PKD1: variants seen among roughly 807,000 people sequenced by gnomAD.
PKD1 encodes the protein polycystin-1.
In PKD1, 81 loss-of-function variants were observed where a neutral mutation model predicts 361.7. The observed-to-expected ratio is 0.22, with a 90% CI of 0.19 to 0.27. The LOEUF (loss-of-function observed/expected upper bound fraction) is 0.27. PKD1 is among the 10% of genes least tolerant of loss of function. The pLI is 1.00. For synonymous variants in PKD1, 3,615 were observed against 2,818.3 expected (o/e 1.28, Z -8.95); for missense variants, 6,399 against 6,118.3 (o/e 1.05, Z -1.53).
intron 1 of PKD1, among the ~76,000 whole-genome samples, chr16:2,122,529 C>G (rs2092737564): frequency 6.6e-6 from 1 of 152,232 alleles, no homozygotes; most frequent in African/African-American, 2.4e-5. Flanking sequence ...AGCCGCGCTG[C>G]TAGGCATCCA....
In PKD1 at chr16:2,091,437, G is replaced by T; in HGVS notation, c.11698C>A (p.Pro3900Thr). Residue 3900 changes from proline to threonine, a missense_variant, in exon 42 of 46, where the codon CCT becomes ACT. Transcript: ENST00000262304. Reference protein sequence around the residue: ...LRRLSAGLSLPLLTSVCLLLF... With the variant: ...LRRLSAGLSLTLLTSVCLLLF... Reference sequence around the variant, plus strand: ...GACGGGCGTACCGAGGTGAGCAGAGGCAGCGAGAGGCCCGCGCTGAGGCGG... The same window carrying T: ...GACGGGCGTACCGAGGTGAGCAGAGTCAGCGAGAGGCCCGCGCTGAGGCGG... 8.4e-7 allele frequency: 1 copy of T among 1,190,770 alleles called. No homozygotes were observed. The highest frequency in any genetic ancestry group is 1.0e-6 in the Non-Finnish European group (1 of 959,414). 73.8% of individuals were successfully genotyped at this position (1,190,770 alleles called of 1,614,324 possible). A position where few individuals can be genotyped will look rare whatever the true frequency, so the allele number is the denominator to read the frequency against.
chr16:2,096,621 T>C (rs1383716118), intron 34 of PKD1, among the ~76,000 whole-genome samples: 2 of 152,078 alleles, frequency 1.3e-5, no homozygotes, highest in Non-Finnish European at 2.9e-5. Context: ...GTTCAATCGA[T>C]TCTCCTACCT....
At position 2,110,740 on chromosome 16, in the gene PKD1, G is replaced by C. The variant is rs563980883; in HGVS notation, c.4427C>G (p.Ser1476Cys). Residue 1476 changes from serine (S) to cysteine (C), a missense_variant, in exon 15 of 46, where the codon TCC becomes TGC. Physicochemically the swap from Ser to Cys is moderately radical, Grantham distance 112 (BLOSUM62 -1). Coordinates refer to ENST00000262304, the MANE Select transcript of PKD1 (RefSeq NM_001009944.3). ...CGGCTGCTGCAGCTCCAGCCCAAGGGAGCCATTGACCTTGATGCTGGTGAC... is the reference window on the plus strand; with the variant it reads ...CGGCTGCTGCAGCTCCAGCCCAAGGCAGCCATTGACCTTGATGCTGGTGAC... Reference protein sequence around the residue: ...VLVTSIKVNGSLGLELQQPYL... With the variant: ...VLVTSIKVNGCLGLELQQPYL... 1 of 1,610,492 alleles carries C rather than the reference G, an allele frequency of 6.2e-7. No individual in the cohort carries two copies. The highest frequency in any genetic ancestry group is 1.3e-5 in the African/African-American group (1 of 74,978).
chr16:2,105,998 G>T lies in PKD1; in HGVS notation c.7730C>A (p.Pro2577His). The change falls in exon 20 of 46, where the codon CCC becomes CAC. Residue 2577 changes from proline to histidine, a missense_variant. Coordinates refer to ENST00000262304, the MANE Select transcript of PKD1 (RefSeq NM_001009944.3). Reference sequence around the variant, plus strand: ...TGTGAGCCCCGTTGCGCTGCCGTTGGGCTCTGGGAGGGTGATGGCCAAAGA... The same window carrying T: ...TGTGAGCCCCGTTGCGCTGCCGTTGTGCTCTGGGAGGGTGATGGCCAAAGA... ...NRSLAITLPEPNGSATGLTVW... is the reference protein window; with the variant it reads ...NRSLAITLPEHNGSATGLTVW... 1 of 1,604,890 alleles carries T rather than the reference G, an allele frequency of 6.2e-7. No individual in the cohort carries two copies. Among genetic ancestry groups the T allele is most frequent in the South Asian group, 1.1e-5 (1 of 90,992 alleles).
Position 2,107,922 on chromosome 16 carries a change from C to T in PKD1, c.7026G>A (p.Val2342=), listed in dbSNP as rs1269843628. 1 of 1,545,974 alleles carries T rather than the reference C, an allele frequency of 6.5e-7. No homozygotes were observed. The highest frequency in any genetic ancestry group is 8.7e-7 in the Non-Finnish European group (1 of 1,146,720). ...AGVEYTFSLT[V]WKAGRKEEAT... is the part of the protein sequence containing the mutation. ...CCTCCTCCTTGCGGCCGGCCTTCCA[C>T]ACGGTCAGGCTGAAGGTGTACTCCA... Residue 2342 remains valine, a synonymous_variant, in exon 16 of 46, where the codon GTG becomes GTA. Coordinates refer to ENST00000262304, the MANE Select transcript of PKD1 (RefSeq NM_001009944.3).
intron 23 of PKD1, 124 bp from the exon 24 acceptor site, chr16:2,103,094 A>G: frequency 7.7e-7 from 1 of 1,294,702 alleles, no homozygotes; most frequent in South Asian, 1.2e-5. Context: ...CCTCTGCACC[A>G]GAGCTGGCAC....
At position 2,092,983 on chromosome 16, in the gene PKD1, C is replaced by T. The variant is rs768359718; in HGVS notation, c.11127G>A (p.Leu3709=). The T allele has an allele frequency of 1.9e-6, 3 of 1,613,006 alleles. No individual in the cohort carries two copies. Among genetic ancestry groups the T allele is most frequent in the Non-Finnish European group, 2.5e-6 (3 of 1,180,016 alleles). Residue 3709 remains leucine (L), a synonymous_variant, in exon 38 of 46, where the codon CTG becomes CTA. Coordinates refer to ENST00000262304, the MANE Select transcript of PKD1 (RefSeq NM_001009944.3). The part of the protein sequence containing the change: ...YRLQSAIKQE[L]HSRAFLAITR... ...TGATGGCCAGGAAGGCCCGGCTGTG[C>T]AGCTCCTGCTTGATGGCGCTTTGCA...
chr16:2,131,441 G>C (rs1241370495), intron 1 of PKD1, among the ~76,000 whole-genome samples: 1 of 152,060 alleles, frequency 6.6e-6, no homozygotes, highest in Non-Finnish European at 1.5e-5. Flanking sequence ...CCAGGAGGCG[G>C]AGCTTGCAGT....
chr16:2,109,353 G>T lies in PKD1; in HGVS notation c.5814C>A (p.His1938Gln). The T allele has an allele frequency of 1.3e-6, 2 of 1,592,362 alleles. No individual in the cohort carries two copies. Among genetic ancestry groups the T allele is most frequent in the Non-Finnish European group, 1.7e-6 (2 of 1,173,770 alleles). ...PEVLPGPRFS[H>Q]SFPRVGDHVV... ...CGTGGTCTCCGACGCGGGGGAAGCT[G>T]TGGGAGAAACGGGGCCCGGGGAGCA... Residue 1938 changes from histidine (H) to glutamine (Q), a missense_variant, in exon 15 of 46, where the codon CAC (histidine) becomes CAA (glutamine). Physicochemically the swap from His to Gln is conservative, Grantham distance 24. Coordinates refer to ENST00000262304, the MANE Select transcript of PKD1 (RefSeq NM_001009944.3).
chr16:2,089,421 G>T lies in PKD1; in HGVS notation c.*306C>A, dbSNP rs1333424347. The stretch of plus-strand genomic sequence containing the variant: ...TAGCAGTGGGGGACATCTGCCCAGG[G>T]GGTGGGGCCGGGCACAGCCCGCTGT... On this transcript the variant is annotated 3_prime_UTR_variant, in exon 46 of 46. Transcript: ENST00000262304. 2 of 472,988 alleles carry T rather than the reference G, an allele frequency of 4.2e-6. No individual in the cohort carries two copies. The highest frequency in any genetic ancestry group is 3.9e-5 in the African/African-American group (2 of 51,120). The allele number at this position is 472,988 out of a possible 1,614,324, so 29.3% of individuals were successfully genotyped here. A position where few individuals can be genotyped will look rare whatever the true frequency, so the allele number is the denominator to read the frequency against.
chr16:2,099,313 G>C (rs1313478761), intron 30 of PKD1: 10 of 383,548 alleles, frequency 2.6e-5, no homozygotes, highest in South Asian at 1.3e-4. Flanking sequence ...ACTTCCTATA[G>C]ATGTACTGAG....
At chr16:2,102,673 G>T (rs776699526) in intron 24 of PKD1, 40 bp from the exon 25 acceptor site, 8 of 1,610,358 alleles carry the variant, frequency 5.0e-6, no homozygotes, top group Non-Finnish European at 6.8e-6. Context: ...CCCAGGCTCC[G>T]CCAGGTTGGA....
chr16:2,119,035 A>G (rs1003843366), intron 3 of PKD1, 79 bp downstream of exon 3: 18 of 947,650 alleles, frequency 1.9e-5, no homozygotes, highest in Non-Finnish European at 2.6e-5. Flanking sequence ...GGAAGGGGAC[A>G]CGGACCAACT....
chr16:2,091,293 C>CCTACGAGGGGGCGGGACG (rs2091538508), intron 42 of PKD1, 119 bp from the exon 43 acceptor site: 8 of 350,988 alleles, frequency 2.3e-5, no homozygotes, highest in Admixed American at 1.4e-4. Context: ...GGGGCGGGGC[C>CCTACGAGGGGGCGGGACG]CTGCGAGGGG....
Position 2,106,364 on chromosome 16 carries a change from T to C in PKD1, c.7489+34A>G, listed in dbSNP as rs752331012. ...TCCGTGACGTCACAGAGTCGGGGGA[T>C]CCCGCTGCTCCCCCCACGCAGGCCT... On this transcript the variant is annotated intron_variant, in intron 18 of 45. Coordinates refer to ENST00000262304, the MANE Select transcript of PKD1 (RefSeq NM_001009944.3). The surrounding 1 kb of genome is among the most constrained non-coding windows in gnomAD (Gnocchi z 6.5). 3 of 1,595,930 alleles carry C rather than the reference T, an allele frequency of 1.9e-6. No individual in the cohort carries two copies. In the African/African-American group the frequency reaches 4.0e-5, roughly 21 times the overall value.
rs1369837669 is a variant in PKD1 at position 2,129,405 on chromosome 16, G to GCC, written c.215+6069_215+6070insGG. On this transcript the variant is annotated intron_variant, in intron 1 of 45. Coordinates refer to ENST00000262304, the MANE Select transcript of PKD1 (RefSeq NM_001009944.3). ...GCTCTCCTAAAGTGCTGGGATTACA[G>GCC]GCGTGAGGCACCGCGCCCGGCTGGA... Among the ~76,000 whole-genome samples, 15 of 151,990 alleles carry GCC rather than the reference G, an allele frequency of 9.9e-5. No individual in the cohort carries two copies. In the East Asian group the frequency reaches 2.7e-3, roughly 28 times the overall value.
intron 20 of PKD1, 193 bp downstream of exon 20, chr16:2,105,672 G>C: frequency 7.1e-7 from 1 of 1,402,136 alleles, no homozygotes; most frequent in South Asian, 1.3e-5. Flanking sequence ...GCTGCATTGT[G>C]GAAAGCAGAC....
chr16:2,096,429 CATGTGCGTGACT>C (rs915998010), intron 34 of PKD1, among the ~76,000 whole-genome samples: 19 of 152,260 alleles, frequency 1.2e-4, no homozygotes, highest in East Asian at 5.8e-4. Flanking sequence ...CGCCGGCTGC[CATGTGCGTGACT>C]ATGTGCGTGA....
Position 2,110,893 on chromosome 16 carries a change from C to T in PKD1, c.4274G>A (p.Arg1425His), listed in dbSNP as rs748262691. 1.9e-5 allele frequency: 30 copies of T among 1,611,462 alleles called. No homozygotes were observed. Among genetic ancestry groups the T allele is most frequent in the Admixed American group, 5.0e-5 (3 of 59,988 alleles). ...DFGTEEAAPT[R>H]ARGPEVTFIY... ...GAACGTCACCTCAGGGCCCCTGGCA[C>T]GGGTGGGGGCGGCTTCCTCGGTGCC... The change falls in exon 15 of 46, where the codon CGT becomes CAT. Residue 1425 changes from arginine to histidine, a missense_variant. Coordinates refer to ENST00000262304, the MANE Select transcript of PKD1 (RefSeq NM_001009944.3).
Sources: gnomAD v4.1 joint callset for allele counts (sites outside exome capture counted in the v4.1 genomes callset) on GRCh38, gnomAD v4.1.1 for gene constraint, Gnocchi (gnomAD v3.1) non-coding constraint, MANE v1.5 for transcripts, NCBI Gene and HGNC (gene_info 2026-07-23, HGNC 2026-07-21) for gene names.